The following KCNQ5 variants were observed in gnomAD, a reference collection of about 807,000 sequenced individuals.
KCNQ5 encodes the protein potassium voltage-gated channel subfamily Q member 5.
Under a neutral mutation model 98.2 loss-of-function variants are expected in KCNQ5, and 30 were observed. That is an observed-to-expected ratio of 0.31 (90% CI 0.23 to 0.41). The LOEUF (loss-of-function observed/expected upper bound fraction) is 0.41, where lower values mean the gene tolerates loss of function less well. Ranked by LOEUF, KCNQ5 falls within the 10% of genes least tolerant of loss-of-function variation. The pLI, the probability that KCNQ5 is intolerant of heterozygous loss-of-function variation, is 1.00. For missense variants in KCNQ5, 835 were observed against 1,182.5 expected, an observed-to-expected ratio of 0.71 and a Z score of 4.31; for synonymous variants, 458 against 449.4, an observed-to-expected ratio of 1.02 and a Z score of -0.24.
At chr6:72,752,923 A>T (rs1270493620) in intron 1 of KCNQ5, among the ~76,000 whole-genome samples, 1 of 152,172 alleles carries the variant, frequency 6.6e-6, no homozygotes, top group Non-Finnish European at 1.5e-5. Context: ...GATAGACTCT[A>T]AAAGAATACT....
intron 1 of KCNQ5, among the ~76,000 whole-genome samples, chr6:72,914,267 C>T (rs1400216520): frequency 6.6e-6 from 1 of 151,910 alleles, no homozygotes; most frequent in Non-Finnish European, 1.5e-5. Flanking sequence ...AGCGCTTACT[C>T]AGTTTAAGCT....
At chr6:73,169,076 T>G (rs1777907101) in intron 10 of KCNQ5, among the ~76,000 whole-genome samples, 2 of 152,240 alleles carry the variant, frequency 1.3e-5, no homozygotes, top group African/African-American at 2.4e-5. Flanking sequence ...CTTATTTGCT[T>G]TACAAATTCA....
intron 6 of KCNQ5, 105 bp from the exon 7 acceptor site, chr6:73,111,203 A>G (rs1364666728): frequency 9.3e-6 from 7 of 752,232 alleles, no homozygotes; most frequent in Non-Finnish European, 1.4e-5. Context: ...GACAGGTTAC[A>G]TACCGTTTGT....
intron 1 of KCNQ5, among the ~76,000 whole-genome samples, chr6:72,659,590 T>C (rs1218062851): frequency 6.6e-6 from 1 of 152,212 alleles, no homozygotes; most frequent in Non-Finnish European, 1.5e-5. Context: ...TACAGCGTCC[T>C]CTGAAGGGAA....
chr6:73,162,012 G>A (rs898878292), intron 10 of KCNQ5, among the ~76,000 whole-genome samples: 14 of 151,852 alleles, frequency 9.2e-5, no homozygotes, highest in Non-Finnish European at 1.6e-4. Flanking sequence ...CTTCTCCCAC[G>A]TTCAAGCAAT....
chr6:73,039,481 C>G (rs1771594269), intron 2 of KCNQ5, among the ~76,000 whole-genome samples: 1 of 152,134 alleles, frequency 6.6e-6, no homozygotes, highest in Non-Finnish European at 1.5e-5. Flanking sequence ...CCTCTCAGCA[C>G]TGCTTTTACT....
intron 1 of KCNQ5, among the ~76,000 whole-genome samples, chr6:72,748,457 A>G (rs894985546): frequency 6.6e-6 from 1 of 152,144 alleles, no homozygotes; most frequent in Non-Finnish European, 1.5e-5. Context: ...CAGAATCTGC[A>G]TGTTAACAAA....
chr6:72,770,436 A>G (rs1334297455), intron 1 of KCNQ5, among the ~76,000 whole-genome samples: 2 of 152,168 alleles, frequency 1.3e-5, no homozygotes, highest in Non-Finnish European at 2.9e-5. Context: ...AGAATAAAAT[A>G]TAATGAAACA....
intron 5 of KCNQ5, among the ~76,000 whole-genome samples, chr6:73,097,855 A>G (rs190399694): frequency 1.3e-5 from 2 of 152,316 alleles, no homozygotes; most frequent in Non-Finnish European, 2.9e-5. Context: ...CCAAAAACTT[A>G]GATCATAATA....
chr6:73,107,120 T>C lies in KCNQ5; in HGVS notation c.1029+1753T>C, dbSNP rs562312203. On this transcript the variant is annotated intron_variant, in intron 6 of 13. Coordinates refer to ENST00000370398, the MANE Select transcript of KCNQ5 (RefSeq NM_019842.4). ...CGCAGTCTTGGGTTTTTTCCCAAAA[T>C]AATGGCACAAAATAATTGCAGCTTT... Among the ~76,000 whole-genome samples the C allele has an allele frequency of 7.2e-5, 11 of 152,284 alleles. No homozygotes were observed. The East Asian group carries it at 2.1e-3, about 29-fold the overall frequency.
intron 1 of KCNQ5, among the ~76,000 whole-genome samples, chr6:72,807,668 C>T (rs1194428990): frequency 1.3e-5 from 2 of 152,108 alleles, no homozygotes; most frequent in Non-Finnish European, 2.9e-5. Flanking sequence ...ACTACTATCC[C>T]TGGCTAATTT....
At chr6:72,643,841 C>T (rs1765450856) in intron 1 of KCNQ5, among the ~76,000 whole-genome samples, 1 of 152,026 alleles carries the variant, frequency 6.6e-6, no homozygotes, top group Non-Finnish European at 1.5e-5. Flanking sequence ...AAGATGTAAG[C>T]ATAAGAATGT....
chr6:72,892,765 A>G (rs1779106179), intron 1 of KCNQ5, among the ~76,000 whole-genome samples: 2 of 152,104 alleles, frequency 1.3e-5, no homozygotes, highest in Admixed American at 1.3e-4. Context: ...CAGATTTTGA[A>G]ACAGAACATT....
intron 1 of KCNQ5, among the ~76,000 whole-genome samples, chr6:72,970,867 T>G (rs1165014904): frequency 6.6e-6 from 1 of 152,214 alleles, no homozygotes. Context: ...ATTAAAGACT[T>G]ACATGTTAGA....
intron 1 of KCNQ5, among the ~76,000 whole-genome samples, chr6:72,949,356 C>A (rs1402569066): frequency 1.3e-5 from 2 of 152,158 alleles, no homozygotes; most frequent in Non-Finnish European, 2.9e-5. Flanking sequence ...CTAAGTGGAG[C>A]AAGATCCTTA....
Position 73,064,159 on chromosome 6 carries a change from T to A in KCNQ5, c.617-13163T>A, listed in dbSNP as rs150345506. On this transcript the variant is annotated intron_variant, in intron 3 of 13. Transcript: ENST00000370398. ...CTATTCAAAGAACTTCCTGAAGATA[T>A]CCTTTCAAAAACTTTTAGCAGTAGG... 4.3e-3 allele frequency among the ~76,000 whole-genome samples: 648 copies of A among 152,270 alleles called. 5 individuals carry two copies. The highest frequency in any genetic ancestry group is 0.015 in the African/African-American group (606 of 41,564).
intron 5 of KCNQ5, among the ~76,000 whole-genome samples, chr6:73,104,199 A>G (rs944985997): frequency 6.6e-6 from 1 of 152,098 alleles, no homozygotes; most frequent in African/African-American, 2.4e-5. Flanking sequence ...TTATATATAG[A>G]AAACCCTAAA....
At position 72,810,115 on chromosome 6, in the gene KCNQ5, G is replaced by A. The variant is rs557577444; in HGVS notation, c.398+187528G>A. Among the ~76,000 whole-genome samples the A allele has an allele frequency of 2.0e-5, 3 of 152,228 alleles. No homozygotes were observed. In the East Asian group the frequency reaches 5.8e-4, roughly 29 times the overall value. On this transcript the variant is annotated intron_variant, in intron 1 of 13. Transcript: ENST00000370398. ...CTAACATGTTATTAAACCATGTTCCGGTTACATCAGCGCCCAGAGAATAGC... is the reference window on the plus strand; with the variant it reads ...CTAACATGTTATTAAACCATGTTCCAGTTACATCAGCGCCCAGAGAATAGC...
At chr6:72,951,166 C>A (rs1224476178) in intron 1 of KCNQ5, among the ~76,000 whole-genome samples, 2 of 152,166 alleles carry the variant, frequency 1.3e-5, no homozygotes, top group Non-Finnish European at 2.9e-5. Context: ...GGATTTTCAA[C>A]TTTCTTGTTC....
Sources: allele counts gnomAD v4.1 joint callset (sites outside exome capture counted in the v4.1 genomes callset), GRCh38; gene constraint gnomAD v4.1.1; transcripts MANE v1.5; gene names NCBI Gene and HGNC (gene_info 2026-07-23, HGNC 2026-07-21).